The following NID1 variants were observed in gnomAD, a reference collection of about 807,000 sequenced individuals.
The protein encoded by NID1 is nidogen 1.
Under a neutral mutation model 130.6 loss-of-function variants are expected in NID1, and 76 were observed. The ratio of observed to expected loss-of-function variants is 0.58; its 90% CI spans 0.48 to 0.70. The LOEUF (loss-of-function observed/expected upper bound fraction) is 0.70, where lower values mean the gene tolerates loss of function less well. Ranked by LOEUF, NID1 falls within the 30% of genes least tolerant of loss-of-function variation. The pLI, the probability that NID1 is intolerant of heterozygous loss-of-function variation, is 0.00. For missense variants in NID1, 1,517 were observed against 1,664.8 expected (o/e 0.91, Z 1.54); for synonymous variants, 665 against 675.1 (o/e 0.98, Z 0.23).
chr1:236,011,296 C>CTTTTT (rs3077493), intron 12 of NID1, among the ~76,000 whole-genome samples: 42 of 135,982 alleles, frequency 3.1e-4, no homozygotes, highest in Non-Finnish European at 5.0e-4. Context: ...CAAATATATT[C>CTTTTT]TTTTTTTTTC....
At chr1:236,049,061 C>T in intron 1 of NID1, 72 bp from the exon 2 acceptor site, 2 of 1,459,254 alleles carry the variant, frequency 1.4e-6, no homozygotes, top group South Asian at 2.4e-5. Flanking sequence ...AGCACCCACT[C>T]CTAGAATACT....
At chr1:236,006,154 G>A (rs1234454881) in intron 12 of NID1, among the ~76,000 whole-genome samples, 3 of 152,134 alleles carry the variant, frequency 2.0e-5, no homozygotes, top group Non-Finnish European at 4.4e-5. Flanking sequence ...TTTCATTGCA[G>A]TGAATAGAAT....
intron 13 of NID1, among the ~76,000 whole-genome samples, chr1:235,992,490 T>C (rs1657783462): frequency 3.9e-5 from 6 of 152,134 alleles, no homozygotes. Context: ...TCATGACCAA[T>C]ACTCAGGCTT....
chr1:235,979,007 GAGAC>G lies in NID1; in HGVS notation c.3606_3609del (p.Gln1204ValfsTer10), dbSNP rs1452440893. 1 of 1,612,776 alleles carries G rather than the reference GAGAC, an allele frequency of 6.2e-7. No individual in the cohort carries two copies. The highest frequency in any genetic ancestry group is 2.2e-5 in the East Asian group (1 of 44,888). ...ACAGGAGAGTTACCTTGCGGACACTGAGACAGGGCCGTGGTGATGCCATACAGCC... is the reference window on the plus strand; with the variant it reads ...ACAGGAGAGTTACCTTGCGGACACTGAGGGCCGTGGTGATGCCATACAGCC... On this transcript the variant is annotated frameshift_variant, in exon 19 of 20. Coordinates refer to ENST00000264187, the MANE Select transcript of NID1 (RefSeq NM_002508.3). LOFTEE classifies it high-confidence loss of function. The surrounding 1 kb of genome is among the most constrained non-coding windows in gnomAD (Gnocchi z 4.6).
rs1218257089 is a variant in NID1, at chr1:236,012,028, T to G, written c.2420A>C (p.Gln807Pro). The change falls in exon 12 of 20, where the codon CAG (glutamine) becomes CCG (proline). Residue 807 changes from glutamine to proline, a missense_variant. By Grantham distance (76) the Gln-to-Pro change is moderately conservative. Coordinates refer to ENST00000264187, the MANE Select transcript of NID1 (RefSeq NM_002508.3). ...GGCGTCAGGGTGACATCGGCTTGGC[T>G]GGCATTCATCTACATCTGTAAAACA... Reference protein sequence around the residue: ...GQACQDVDECQPSRCHPDAFC... With the variant: ...GQACQDVDECPPSRCHPDAFC... 2.5e-6 allele frequency: 4 copies of G among 1,613,870 alleles called. No individual in the cohort carries two copies. The highest frequency in any genetic ancestry group is 3.4e-6 in the Non-Finnish European group (4 of 1,179,770).
At position 236,026,101 on chromosome 1, in the gene NID1, C is replaced by T. The variant is rs1166176818; in HGVS notation, c.1779G>A (p.Glu593=). The T allele has an allele frequency of 6.2e-7, 1 of 1,613,952 alleles. No individual in the cohort carries two copies. The highest frequency in any genetic ancestry group is 1.7e-5 in the Admixed American group (1 of 60,016). ...SSSTREYTVT[E]PERDGASPSR... The stretch of plus-strand genomic sequence containing the variant: ...AAGGAGATGCCCCATCTCGCTCGGG[C>T]TCAGTCACCGTGTACTCCCGGGTGG... The change falls in exon 8 of 20, where the codon GAG becomes GAA. Residue 593 remains glutamate, a synonymous_variant. Transcript: ENST00000264187.
chr1:236,013,068 G>A (rs1324572873), intron 11 of NID1, among the ~76,000 whole-genome samples: 2 of 152,140 alleles, frequency 1.3e-5, no homozygotes, highest in Admixed American at 1.3e-4. Context: ...TAAATAAAAG[G>A]ATAGACTTTA....
At chr1:236,009,224 C>T (rs760727561) in intron 12 of NID1, among the ~76,000 whole-genome samples, 3 of 152,112 alleles carry the variant, frequency 2.0e-5, no homozygotes, top group Admixed American at 6.5e-5. Flanking sequence ...CTTATAATAG[C>T]GTCCCCAAAG....
intron 12 of NID1, among the ~76,000 whole-genome samples, chr1:236,008,988 T>C (rs1572592908): frequency 6.6e-6 from 1 of 152,350 alleles, no homozygotes. Flanking sequence ...TTTAGTCATA[T>C]ACAATTTAGA....
chr1:236,030,908 C>A (rs1001141772), intron 6 of NID1, among the ~76,000 whole-genome samples: 5 of 152,100 alleles, frequency 3.3e-5, no homozygotes, highest in Admixed American at 6.5e-5. Flanking sequence ...ATTAAAAAAA[C>A]AAACTGTGAA....
At chr1:236,057,520 G>A (rs983055645) in intron 1 of NID1, among the ~76,000 whole-genome samples, 2 of 151,410 alleles carry the variant, frequency 1.3e-5, no homozygotes, top group East Asian at 2.0e-4. Context: ...ACCTGAGGTC[G>A]GGAGTTTGAG....
intron 7 of NID1, among the ~76,000 whole-genome samples, chr1:236,026,435 G>A (rs888704454): frequency 6.6e-6 from 1 of 152,192 alleles, no homozygotes; most frequent in Non-Finnish European, 1.5e-5. Context: ...CAGAACTAGA[G>A]ATGAAGGTCA....
chr1:236,064,191 G>A (rs1158988746), intron 1 of NID1, among the ~76,000 whole-genome samples: 1 of 152,174 alleles, frequency 6.6e-6, no homozygotes, highest in Admixed American at 6.5e-5. Context: ...GGAGGATCCA[G>A]GGAGCTGTAG....
chr1:236,055,835 A>G (rs1248273102), intron 1 of NID1, among the ~76,000 whole-genome samples: 1 of 152,130 alleles, frequency 6.6e-6, no homozygotes, highest in African/African-American at 2.4e-5. Context: ...GGTATAACTG[A>G]TAAACAAAAG....
At chr1:236,025,780 T>C in intron 8 of NID1, 116 bp downstream of exon 8, 1 of 1,344,078 alleles carries the variant, frequency 7.4e-7, no homozygotes, top group South Asian at 1.4e-5. Context: ...TGCCAGAAGA[T>C]ACTTTAGCAT....
At chr1:236,004,217 C>T (rs1168947968) in intron 12 of NID1, among the ~76,000 whole-genome samples, 3 of 151,900 alleles carry the variant, frequency 2.0e-5, no homozygotes, top group African/African-American at 7.3e-5. Flanking sequence ...TTTTAGAGTC[C>T]AGTTCCAGAT....
At chr1:236,059,550 G>A (rs971478865) in intron 1 of NID1, among the ~76,000 whole-genome samples, 5 of 152,108 alleles carry the variant, frequency 3.3e-5, no homozygotes, top group African/African-American at 1.2e-4. Flanking sequence ...ACTTGCCTAA[G>A]ATCAAACACT....
At chr1:236,051,727 C>G (rs1659768007) in intron 1 of NID1, among the ~76,000 whole-genome samples, 1 of 152,232 alleles carries the variant, frequency 6.6e-6, no homozygotes, top group Non-Finnish European at 1.5e-5. Flanking sequence ...ACGGCTCACT[C>G]TCTCGAGCCG....
intron 11 of NID1, 108 bp from the exon 12 acceptor site, chr1:236,012,151 C>G (rs1017263258): frequency 5.6e-5 from 76 of 1,363,886 alleles, no homozygotes; most frequent in Middle Eastern, 5.5e-4. Context: ...TGCTTCTGAT[C>G]TGGGAACAGT....
Sources: gnomAD v4.1 joint callset for allele counts (sites outside exome capture counted in the v4.1 genomes callset) on GRCh38, gnomAD v4.1.1 for gene constraint, Gnocchi (gnomAD v3.1) non-coding constraint, MANE v1.5 for transcripts, NCBI Gene and HGNC (gene_info 2026-07-23, HGNC 2026-07-21) for gene names.